Variants in RPA3 observed in about 807,000 individuals in gnomAD.
RPA3 encodes the protein replication protein A3, also known as replication protein A 14 kDa subunit.
RPA3 carries 24 observed loss-of-function variants against 13.7 expected under a neutral mutation model. The ratio of observed to expected loss-of-function variants is 1.75; its 90% CI spans 1.27 to 2.46. The LOEUF (loss-of-function observed/expected upper bound fraction) is 2.46. Ranked by LOEUF, RPA3 falls within the 30% of genes most tolerant of loss-of-function variation. The pLI, the probability that RPA3 is intolerant of heterozygous loss-of-function variation, is 0.00. For missense variants in RPA3, 183 were observed against 151.0 expected, an observed-to-expected ratio of 1.21 and a Z score of -1.11; for synonymous variants, 59 against 51.2, an observed-to-expected ratio of 1.15 and a Z score of -0.65.
intron 5 of RPA3, among the ~76,000 whole-genome samples, chr7:7,639,476 A>C (rs2301936): frequency 0.088 from 13,454 of 152,242 alleles, 638 homozygotes; most frequent in South Asian, 0.1. Context: ...TGATTTAGAC[A>C]GTACATATCC....
At chr7:7,716,820 C>T (rs138117365) in intron 1 of RPA3, among the ~76,000 whole-genome samples, 2 of 152,230 alleles carry the variant, frequency 1.3e-5, no homozygotes, top group African/African-American at 4.8e-5. Flanking sequence ...GTGGCGGGCG[C>T]CCATAATCCC....
In RPA3 at chr7:7,652,204, T is replaced by A. The variant is rs1356517056; in HGVS notation, c.-757-11029A>T. On this transcript the variant is annotated intron_variant, in intron 4 of 7. Transcript: ENST00000223129. ...TGTGGTTCATGCTCCTGTTTTACATTGCTCGTTTGCTCACTTGGCCATTTA... is the reference window on the plus strand; with the variant it reads ...TGTGGTTCATGCTCCTGTTTTACATAGCTCGTTTGCTCACTTGGCCATTTA... Among the ~76,000 whole-genome samples, 3 of 152,240 alleles carry A rather than the reference T, an allele frequency of 2.0e-5. 1 individual carries two copies. The highest frequency in any genetic ancestry group is 4.4e-5 in the Non-Finnish European group (3 of 68,048).
In RPA3 at chr7:7,717,060, C is replaced by CTT. The variant is rs766644906; in HGVS notation, c.-1080+1453_-1080+1454dup. On this transcript the variant is annotated intron_variant, in intron 1 of 7. Coordinates refer to ENST00000223129, the MANE Select transcript of RPA3 (RefSeq NM_002947.5). The stretch of plus-strand genomic sequence containing the variant: ...TTCCTTTTTCTTTCTTTCTTTTTTT[C>CTT]TTTTTTTTTTTTTTGAGACGGAGTC... Among the ~76,000 whole-genome samples, 205 of 141,608 alleles carry CTT rather than the reference C, an allele frequency of 1.4e-3. 1 individual carries two copies. The highest frequency in any genetic ancestry group is 4.6e-3 in the African/African-American group (176 of 37,914). 92.9% of individuals were successfully genotyped at this position (141,608 alleles called of 152,430 possible). A position where few individuals can be genotyped will look rare whatever the true frequency, so the allele number is the denominator to read the frequency against.
At chr7:7,654,771 G>A (rs1785302552) in intron 4 of RPA3, among the ~76,000 whole-genome samples, 2 of 151,932 alleles carry the variant, frequency 1.3e-5, no homozygotes, top group South Asian at 4.2e-4. Context: ...AGGTGTGGTG[G>A]CGGGTGCCTG....
At chr7:7,669,839 A>G (rs542091972) in intron 4 of RPA3, among the ~76,000 whole-genome samples, 6 of 152,254 alleles carry the variant, frequency 3.9e-5, no homozygotes, top group African/African-American at 1.2e-4. Context: ...GTTCTTTTCT[A>G]TAGTCTCTGC....
chr7:7,687,921 C>T (rs1583737423), intron 2 of RPA3, among the ~76,000 whole-genome samples: 1 of 152,186 alleles, frequency 6.6e-6, no homozygotes, highest in East Asian at 1.9e-4. Flanking sequence ...TTTCCTGATG[C>T]ACCAGCTGAA....
intron 2 of RPA3, among the ~76,000 whole-genome samples, chr7:7,712,592 G>T (rs1384379981): frequency 6.6e-6 from 1 of 152,040 alleles, no homozygotes; most frequent in Non-Finnish European, 1.5e-5. Context: ...AGATTCTTTT[G>T]AATTTTCTAA....
At chr7:7,643,468 T>C (rs1785021163) in intron 4 of RPA3, among the ~76,000 whole-genome samples, 1 of 152,178 alleles carries the variant, frequency 6.6e-6, no homozygotes, top group South Asian at 2.1e-4. Flanking sequence ...CCCAGCACTT[T>C]GGGAGGCTGA....
Position 7,650,696 on chromosome 7 carries a change from C to T in RPA3, c.-757-9521G>A, listed in dbSNP as rs568585070. ...AAGTGGCAATGTTACTTGTGCCAAA[C>T]GCACCTTGATTTACTAATCCAGCCA... On this transcript the variant is annotated intron_variant, in intron 4 of 7. Transcript: ENST00000223129. Among the ~76,000 whole-genome samples, 29 of 152,328 alleles carry T rather than the reference C, an allele frequency of 1.9e-4. 1 individual carries two copies. Among genetic ancestry groups the T allele is most frequent in the African/African-American group, 5.8e-4 (24 of 41,566 alleles).
chr7:7,647,988 G>T (rs6463711), intron 4 of RPA3, among the ~76,000 whole-genome samples: 128,844 of 151,974 alleles, frequency 0.85, 54,645 homozygotes, highest in East Asian at 0.89. Context: ...TTGTCTTATC[G>T]TTTTCCATCC....
chr7:7,691,280 A>G lies in RPA3; in HGVS notation c.-1027-3952T>C, dbSNP rs116337695. On this transcript the variant is annotated intron_variant, in intron 2 of 7. Transcript: ENST00000223129. ...AGGAAAAAATGGTTATTCAAGGAAA[A>G]AAACTTGTAAACAACTGATAATATC... Among the ~76,000 whole-genome samples the G allele has an allele frequency of 2.7e-3, 413 of 152,350 alleles. 1 individual carries two copies. Among genetic ancestry groups the G allele is most frequent in the African/African-American group, 9.1e-3 (380 of 41,582 alleles).
In RPA3 at chr7:7,696,124, G is replaced by C. The variant is rs185311193; in HGVS notation, c.-1027-8796C>G. Among the ~76,000 whole-genome samples the C allele has an allele frequency of 3.3e-3, 494 of 151,536 alleles. 2 individuals are homozygous for C. The highest frequency in any genetic ancestry group is 5.9e-3 in the Non-Finnish European group (400 of 67,884). On this transcript the variant is annotated intron_variant, in intron 2 of 7. Coordinates refer to ENST00000223129, the MANE Select transcript of RPA3 (RefSeq NM_002947.5). ...GGGTTCAAGCGATCCTCCCATTGCA[G>C]CCTCCTGAGTAGCTGGGACTACAGG... is the stretch of plus-strand genomic sequence containing the variant.
In RPA3 at chr7:7,640,547, A is replaced by G. The variant is rs1784943203; in HGVS notation, c.-129T>C. ...ACTAGCGCTCCAGCTTCGCCAATTA[A>G]ATGCGCGGAAACCTAAATCGCAATC... On this transcript the variant is annotated 5_prime_UTR_variant, in exon 5 of 8. Transcript: ENST00000223129. The G allele has an allele frequency of 1.2e-6, 1 of 803,754 alleles. No individual in the cohort carries two copies. Among genetic ancestry groups the G allele is most frequent in the Non-Finnish European group, 2.0e-6 (1 of 491,036 alleles). 49.8% of individuals were successfully genotyped at this position (803,754 alleles called of 1,614,324 possible).
intron 4 of RPA3, among the ~76,000 whole-genome samples, chr7:7,646,049 T>C (rs1032655218): frequency 6.6e-6 from 1 of 152,166 alleles, no homozygotes; most frequent in African/African-American, 2.4e-5. Context: ...GTGAGTGATT[T>C]GGGCCTCCAG....
chr7:7,684,165 A>G (rs1160622303), intron 4 of RPA3, among the ~76,000 whole-genome samples: 2 of 152,188 alleles, frequency 1.3e-5, no homozygotes, highest in East Asian at 3.8e-4. Context: ...TTGAGGAATA[A>G]TGACAAGAAA....
intron 2 of RPA3, among the ~76,000 whole-genome samples, chr7:7,693,319 C>CTATT (rs1780223808): frequency 6.6e-6 from 1 of 151,986 alleles, no homozygotes; most frequent in African/African-American, 2.4e-5. Context: ...ATCTATCTAT[C>CTATT]TATCTATCTA....
At chr7:7,646,824 C>T (rs940526803) in intron 4 of RPA3, among the ~76,000 whole-genome samples, 3 of 152,096 alleles carry the variant, frequency 2.0e-5, no homozygotes, top group African/African-American at 7.2e-5. Context: ...CATTCTGCTG[C>T]TCTGCCACTC....
At chr7:7,664,479 C>G (rs1237183331) in intron 4 of RPA3, among the ~76,000 whole-genome samples, 6 of 152,178 alleles carry the variant, frequency 3.9e-5, no homozygotes, top group African/African-American at 1.4e-4. Flanking sequence ...GCTTACAACT[C>G]TTCAGTAATT....
At chr7:7,638,741 C>G (rs1158733182) in intron 6 of RPA3, 1 of 189,688 alleles carries the variant, frequency 5.3e-6, no homozygotes, top group Non-Finnish European at 1.1e-5. Flanking sequence ...AACAAAAAAA[C>G]AAAAACGAAA....
Sources: gnomAD v4.1 joint callset for allele counts (sites outside exome capture counted in the v4.1 genomes callset) on GRCh38, gnomAD v4.1.1 for gene constraint, MANE v1.5 for transcripts, NCBI Gene and HGNC (gene_info 2026-07-23, HGNC 2026-07-21) for gene names.